The following GAS2 variants were observed in gnomAD, a reference collection of about 807,000 sequenced individuals.
GAS2 encodes the protein growth arrest specific 2.
Under a neutral mutation model 37.5 loss-of-function variants are expected in GAS2, and 20 were observed. That is an observed-to-expected ratio of 0.53 (90% CI 0.37 to 0.77). The LOEUF is 0.77. GAS2 is among the 30% of genes least tolerant of loss of function. The probability of loss-of-function intolerance (pLI) is 0.00; values close to 1 mark genes in which losing one functional copy is unlikely to be tolerated. For missense variants in GAS2, 336 were observed against 373.4 expected (o/e 0.90, Z 0.82); for synonymous variants, 144 against 132.2 (o/e 1.09, Z -0.61).
intron 7 of GAS2, among the ~76,000 whole-genome samples, chr11:22,774,403 A>G (rs1855145963): frequency 6.6e-6 from 1 of 152,260 alleles, no homozygotes; most frequent in Non-Finnish European, 1.5e-5. Context: ...GAGCTACTAC[A>G]AATGACTTAT....
At chr11:22,763,064 AG>A (rs1854483569) in intron 7 of GAS2, among the ~76,000 whole-genome samples, 1 of 152,174 alleles carries the variant, frequency 6.6e-6, no homozygotes, top group Non-Finnish European at 1.5e-5. Context: ...TGAGTACTTG[AG>A]GGGCCTAAAG....
At chr11:22,754,926 G>T (rs945044945) in intron 6 of GAS2, among the ~76,000 whole-genome samples, 1 of 152,028 alleles carries the variant, frequency 6.6e-6, no homozygotes, top group Non-Finnish European at 1.5e-5. Flanking sequence ...CATCATTTAC[G>T]GCTTTCTGTT....
intron 7 of GAS2, among the ~76,000 whole-genome samples, chr11:22,790,429 C>A (rs1349702565): frequency 6.6e-6 from 1 of 152,170 alleles, no homozygotes; most frequent in Non-Finnish European, 1.5e-5. Flanking sequence ...TCCCTCTGCA[C>A]CTGATTTCCC....
chr11:22,712,799 G>A (rs530753785), intron 3 of GAS2, among the ~76,000 whole-genome samples: 60 of 152,072 alleles, frequency 3.9e-4, no homozygotes, highest in African/African-American at 1.4e-3. Flanking sequence ...ATTAAAGGCC[G>A]GGGGCAGTGG....
chr11:22,764,178 A>ATT lies in GAS2; in HGVS notation c.723+8230_723+8231dup, dbSNP rs147818317. On this transcript the variant is annotated intron_variant, in intron 7 of 7. Transcript: ENST00000454584. ...TTCTGAGAGTTATCCTTTTTTTAAGATTTTTTAAAAAAATTTTAAAAATTC... is the reference window on the plus strand; with the variant it reads ...TTCTGAGAGTTATCCTTTTTTTAAGATTTTTTTTAAAAAAATTTTAAAAATTC... Among the ~76,000 whole-genome samples, 1,022 of 152,230 alleles carry ATT rather than the reference A, an allele frequency of 6.7e-3. 7 individuals carry two copies. The highest frequency in any genetic ancestry group is 0.023 in the African/African-American group (945 of 41,520).
chr11:22,641,781 G>A (rs1848632575), intron 1 of GAS2, among the ~76,000 whole-genome samples: 1 of 152,104 alleles, frequency 6.6e-6, no homozygotes, highest in Non-Finnish European at 1.5e-5. Flanking sequence ...ATGTTAGTGA[G>A]TCATAATATT....
intron 6 of GAS2, chr11:22,755,535 T>TA (rs879320818): frequency 3.3e-4 from 63 of 193,336 alleles, no homozygotes; most frequent in Admixed American, 2.4e-3. Flanking sequence ...TTTTTAGTCC[T>TA]CCAAAAGTAG....
chr11:22,765,762 G>C lies in GAS2; in HGVS notation c.723+9809G>C, dbSNP rs530423120. ...CCACTGCACTCCAGCCTGGGTGATAGAGTGAGACTCTGTCAAAAAAAAAAA... is the reference window on the plus strand; with the variant it reads ...CCACTGCACTCCAGCCTGGGTGATACAGTGAGACTCTGTCAAAAAAAAAAA... On this transcript the variant is annotated intron_variant, in intron 7 of 7. Transcript: ENST00000454584. Among the ~76,000 whole-genome samples the C allele has an allele frequency of 1.3e-4, 19 of 145,944 alleles. No individual in the cohort carries two copies. The South Asian group carries it at 3.9e-3, about 30-fold the overall frequency.
intron 3 of GAS2, among the ~76,000 whole-genome samples, chr11:22,717,988 G>GT (rs1851761939): frequency 6.6e-6 from 1 of 152,008 alleles, no homozygotes; most frequent in South Asian, 2.1e-4. Flanking sequence ...CATGGCTATG[G>GT]TAAAAAAAGG....
intron 7 of GAS2, among the ~76,000 whole-genome samples, chr11:22,772,518 T>G (rs12282952): frequency 0.018 from 2,730 of 152,274 alleles, 73 homozygotes; most frequent in African/African-American, 0.063. Flanking sequence ...CTAAAAACCC[T>G]AGGAATAATT....
chr11:22,675,517 T>C (rs1849387472), intron 2 of GAS2, among the ~76,000 whole-genome samples: 1 of 152,176 alleles, frequency 6.6e-6, no homozygotes, highest in South Asian at 2.1e-4. Context: ...AAATTTTTCT[T>C]TTCCATTTGC....
chr11:22,653,187 C>G (rs1172151192), intron 1 of GAS2, among the ~76,000 whole-genome samples: 1 of 151,394 alleles, frequency 6.6e-6, no homozygotes, highest in Non-Finnish European at 1.5e-5. Context: ...CACTCATTTG[C>G]TTCTATATAT....
intron 7 of GAS2, among the ~76,000 whole-genome samples, chr11:22,776,597 C>A (rs916914941): frequency 2.6e-5 from 4 of 152,084 alleles, no homozygotes; most frequent in African/African-American, 9.7e-5. Context: ...CATCTATTTA[C>A]CTTTCTGTTA....
In GAS2 at chr11:22,812,679, C is replaced by T. The variant is rs568391793; in HGVS notation, c.*663C>T. ...AGAATAGCTTATGAGTTATTTCACA[C>T]ATTCCTGAGCACATGGCTGTGTTTA... On this transcript the variant is annotated 3_prime_UTR_variant, in exon 8 of 8. Transcript: ENST00000454584. The T allele has an allele frequency of 6.5e-6, 1 of 152,674 alleles. No individual in the cohort carries two copies. The highest frequency in any genetic ancestry group is 1.5e-5 in the Non-Finnish European group (1 of 68,102). The allele number at this position is 152,674 out of a possible 1,614,324, so 9.5% of individuals were successfully genotyped here. A position where few individuals can be genotyped will look rare whatever the true frequency, so the allele number is the denominator to read the frequency against.
chr11:22,678,750 A>G (rs914544509), intron 2 of GAS2, among the ~76,000 whole-genome samples: 6 of 152,036 alleles, frequency 3.9e-5, no homozygotes, highest in Non-Finnish European at 7.4e-5. Flanking sequence ...ATAATACTCC[A>G]TTTATATTCT....
intron 4 of GAS2, among the ~76,000 whole-genome samples, 185 bp from the exon 5 acceptor site, chr11:22,737,520 G>A (rs757116824): frequency 1.6e-4 from 24 of 152,138 alleles, no homozygotes; most frequent in Non-Finnish European, 3.2e-4. Flanking sequence ...GCAGAGTTTT[G>A]AGAACTAATT....
At chr11:22,692,647 G>A (rs1850301878) in intron 3 of GAS2, among the ~76,000 whole-genome samples, 1 of 152,150 alleles carries the variant, frequency 6.6e-6, no homozygotes, top group African/African-American at 2.4e-5. Flanking sequence ...GCCATCAGAG[G>A]TATAACTTTG....
At chr11:22,725,060 G>A (rs575483409) in intron 3 of GAS2, among the ~76,000 whole-genome samples, 11 of 152,006 alleles carry the variant, frequency 7.2e-5, no homozygotes, top group African/African-American at 2.7e-4. Context: ...TGCTTGTTGA[G>A]GCAAAGTCCT....
intron 7 of GAS2, among the ~76,000 whole-genome samples, chr11:22,801,717 C>G (rs1027039248): frequency 1.3e-5 from 2 of 152,090 alleles, no homozygotes; most frequent in Non-Finnish European, 1.5e-5. Flanking sequence ...TGGTGAACCA[C>G]CTATGTGACC....
Sources: gnomAD v4.1 joint callset for allele counts (sites outside exome capture counted in the v4.1 genomes callset) on GRCh38, gnomAD v4.1.1 for gene constraint, MANE v1.5 for transcripts, NCBI Gene and HGNC (gene_info 2026-07-23, HGNC 2026-07-21) for gene names.